Variants in UBTD1 observed in about 807,000 individuals in gnomAD.
The protein encoded by UBTD1 is ubiquitin domain containing 1.
UBTD1 carries 19 observed loss-of-function variants against 21.7 expected under a neutral mutation model. The observed-to-expected ratio is 0.87, with a 90% CI of 0.61 to 1.28. The LOEUF is 1.28. UBTD1 is among the 50% of genes most tolerant of loss of function. UBTD1 has a pLI of 0.00. For missense variants in UBTD1, 282 were observed against 315.1 expected (o/e 0.89, Z 0.80); for synonymous variants, 116 against 135.1 (o/e 0.86, Z 0.98).
chr10:97,540,767 C>T (rs570966776), intron 1 of UBTD1, among the ~76,000 whole-genome samples: 2 of 152,316 alleles, frequency 1.3e-5, no homozygotes, highest in South Asian at 2.1e-4. Flanking sequence ...GGTATCTAGA[C>T]GTCAGCATGA....
At chr10:97,517,424 GC>G (rs762709989) in intron 1 of UBTD1, among the ~76,000 whole-genome samples, 1 of 152,162 alleles carries the variant, frequency 6.6e-6, no homozygotes, top group Non-Finnish European at 1.5e-5. Flanking sequence ...CACCAGCTCT[GC>G]CCCTCAGGAG....
At chr10:97,550,751 A>C (rs557666805) in intron 1 of UBTD1, among the ~76,000 whole-genome samples, 4 of 152,262 alleles carry the variant, frequency 2.6e-5, no homozygotes, top group African/African-American at 9.6e-5. Context: ...ACACACGCAT[A>C]CACACTCACA....
Position 97,566,103 on chromosome 10 carries a change from A to T in UBTD1, c.71-1811A>T, listed in dbSNP as rs556224017. 1.9e-3 allele frequency among the ~76,000 whole-genome samples: 287 copies of T among 152,210 alleles called. 5 individuals carry two copies. The highest frequency in any genetic ancestry group is 7.7e-4 in the African/African-American group (32 of 41,528). ...GTACCCACAAAAATTAAACATTTTT[A>T]AAAAATCTCCTTGGTCATTCTTTAT... On this transcript the variant is annotated intron_variant, in intron 1 of 2. Coordinates refer to ENST00000370664, the MANE Select transcript of UBTD1 (RefSeq NM_024954.5).
At chr10:97,514,018 T>TC (rs1459574625) in intron 1 of UBTD1, among the ~76,000 whole-genome samples, 4 of 151,450 alleles carry the variant, frequency 2.6e-5, no homozygotes, top group African/African-American at 4.9e-5. Flanking sequence ...TTTCTTTCTT[T>TC]TTTTTTTTTT....
intron 1 of UBTD1, among the ~76,000 whole-genome samples, chr10:97,517,508 C>T (rs2040449599): frequency 6.6e-6 from 1 of 152,138 alleles, no homozygotes; most frequent in African/African-American, 2.4e-5. Flanking sequence ...GTCCCCTTGC[C>T]GAGGTGTGGG....
intron 1 of UBTD1, among the ~76,000 whole-genome samples, chr10:97,528,402 AC>A (rs1485220237): frequency 1.0e-3 from 54 of 54,070 alleles, no homozygotes; most frequent in Non-Finnish European, 1.6e-3. Flanking sequence ...CGGGGGGCTG[AC>A]TCCCCCACCT....
chr10:97,555,720 G>A (rs571438131), intron 1 of UBTD1, among the ~76,000 whole-genome samples: 2 of 152,190 alleles, frequency 1.3e-5, no homozygotes, highest in African/African-American at 2.4e-5. Flanking sequence ...AGGGAGTTTC[G>A]CAGTGTTCTT....
chr10:97,564,360 C>G (rs1293560790), intron 1 of UBTD1, among the ~76,000 whole-genome samples: 4 of 152,202 alleles, frequency 2.6e-5, no homozygotes, highest in African/African-American at 9.6e-5. Flanking sequence ...CCCTGCAAAA[C>G]TGTCTCTTAT....
intron 1 of UBTD1, among the ~76,000 whole-genome samples, chr10:97,502,920 T>TATA (rs11270600): frequency 3.7e-5 from 5 of 136,056 alleles, no homozygotes; most frequent in Admixed American, 2.2e-4. Flanking sequence ...TATATATATA[T>TATA]TTTTTTTTTT....
At chr10:97,518,636 A>G (rs1485730322) in intron 1 of UBTD1, among the ~76,000 whole-genome samples, 1 of 151,982 alleles carries the variant, frequency 6.6e-6, no homozygotes, top group Non-Finnish European at 1.5e-5. Context: ...TTGGAGCATT[A>G]TTTTTTCTAA....
At chr10:97,546,627 C>T (rs532024654) in intron 1 of UBTD1, among the ~76,000 whole-genome samples, 15 of 150,362 alleles carry the variant, frequency 1.0e-4, no homozygotes, top group Admixed American at 2.7e-4. Flanking sequence ...GACCAGGGCA[C>T]GCAGTCAGGT....
chr10:97,559,594 AGT>A (rs1335411599), intron 1 of UBTD1, among the ~76,000 whole-genome samples: 1 of 152,208 alleles, frequency 6.6e-6, no homozygotes, highest in Non-Finnish European at 1.5e-5. Context: ...CCTTTATATT[AGT>A]GTGTTATTAA....
intron 1 of UBTD1, among the ~76,000 whole-genome samples, chr10:97,506,673 T>TC (rs888425917): frequency 6.6e-6 from 1 of 152,130 alleles, no homozygotes; most frequent in Non-Finnish European, 1.5e-5. Flanking sequence ...CATTTCTTCA[T>TC]CCCCCCAACC....
At chr10:97,503,040 C>G (rs2040383891) in intron 1 of UBTD1, among the ~76,000 whole-genome samples, 1 of 151,834 alleles carries the variant, frequency 6.6e-6, no homozygotes, top group Admixed American at 6.6e-5. Context: ...CCTCAGTCTT[C>G]CCAGTAGCTA....
intron 1 of UBTD1, among the ~76,000 whole-genome samples, chr10:97,537,264 C>T (rs1372155559): frequency 6.6e-6 from 1 of 152,188 alleles, no homozygotes; most frequent in Non-Finnish European, 1.5e-5. Flanking sequence ...GTAATCATCA[C>T]CCTTTCCTGC....
chr10:97,503,719 A>T (rs1437175514), intron 1 of UBTD1, among the ~76,000 whole-genome samples: 1 of 152,092 alleles, frequency 6.6e-6, no homozygotes, highest in African/African-American at 2.4e-5. Flanking sequence ...AGTGCCAAGC[A>T]CCCTGCTGGC....
At chr10:97,522,053 C>T (rs2040468985) in intron 1 of UBTD1, among the ~76,000 whole-genome samples, 2 of 152,200 alleles carry the variant, frequency 1.3e-5, no homozygotes, top group Admixed American at 1.3e-4. Context: ...GGAGCCCTTC[C>T]GTAAACCTCA....
At chr10:97,546,248 A>G (rs1589879279) in intron 1 of UBTD1, among the ~76,000 whole-genome samples, 3 of 152,244 alleles carry the variant, frequency 2.0e-5, no homozygotes, top group African/African-American at 7.2e-5. Context: ...CAAGCCAGCC[A>G]TGCTGAATTA....
At chr10:97,533,480 G>A (rs2040542830) in intron 1 of UBTD1, among the ~76,000 whole-genome samples, 3 of 152,186 alleles carry the variant, frequency 2.0e-5, no homozygotes, top group African/African-American at 7.2e-5. Flanking sequence ...GCGGGTGGGA[G>A]AAGGGTACGA....
Sources: allele counts gnomAD v4.1 joint callset (sites outside exome capture counted in the v4.1 genomes callset), GRCh38; gene constraint gnomAD v4.1.1; transcripts MANE v1.5; gene names NCBI Gene and HGNC (gene_info 2026-07-23, HGNC 2026-07-21).